CDH13: variants seen among roughly 807,000 people sequenced by gnomAD.
The protein encoded by CDH13 is cadherin-13.
Under a neutral mutation model 63.8 loss-of-function variants are expected in CDH13, and 24 were observed. That is an observed-to-expected ratio of 0.38 (90% confidence interval 0.27 to 0.53). The LOEUF is 0.53. Ranked by LOEUF, CDH13 falls within the 20% of genes least tolerant of loss-of-function variation. CDH13 has a pLI of 0.85. For synonymous variants in CDH13, 503 were observed against 355.3 expected, an observed-to-expected ratio of 1.42 and a Z score of -4.67; for missense variants, 1,049 against 903.1, an observed-to-expected ratio of 1.16 and a Z score of -2.07.
intron 1 of CDH13, among the ~76,000 whole-genome samples, chr16:82,662,712 A>G (rs78423956): frequency 0.045 from 6,872 of 152,322 alleles, 210 homozygotes; most frequent in Non-Finnish European, 0.067. Flanking sequence ...AGCTTCTGCT[A>G]TAGAAGGGGG....
intron 1 of CDH13, chr16:82,825,557 T>TC (rs1317011955): frequency 2.6e-3 from 377 of 146,612 alleles, no homozygotes; most frequent in African/African-American, 9.0e-3. Flanking sequence ...TTTTTTTTTT[T>TC]CCCAAACAGA....
In CDH13 at chr16:83,608,814, C is replaced by T. The variant is rs528697059; in HGVS notation, c.1101+6220C>T. 5.3e-5 allele frequency among the ~76,000 whole-genome samples: 8 copies of T among 152,078 alleles called. No homozygotes were observed. The East Asian group carries it at 1.2e-3, about 22-fold the overall frequency. Reference sequence around the variant, plus strand: ...TGAGCCACTGTGCCCAGCCAGTATTCGCATTTTTAATTAAAATATTGTGTT... The same window carrying T: ...TGAGCCACTGTGCCCAGCCAGTATTTGCATTTTTAATTAAAATATTGTGTT... On this transcript the variant is annotated intron_variant, in intron 8 of 13. Coordinates refer to ENST00000567109, the MANE Select transcript of CDH13 (RefSeq NM_001257.5).
At chr16:82,984,694 C>T (rs781301272) in intron 2 of CDH13, among the ~76,000 whole-genome samples, 4 of 152,156 alleles carry the variant, frequency 2.6e-5, no homozygotes, top group Non-Finnish European at 5.9e-5. Context: ...CAAGAGGTCA[C>T]ATAACTTGCT....
intron 5 of CDH13, among the ~76,000 whole-genome samples, chr16:83,225,241 C>T (rs956573786): frequency 6.6e-6 from 1 of 152,126 alleles, no homozygotes; most frequent in African/African-American, 2.4e-5. Context: ...ACTAATTGGC[C>T]TTGATGAAGA....
At chr16:83,410,856 C>T (rs963030492) in intron 6 of CDH13, among the ~76,000 whole-genome samples, 1 of 152,178 alleles carries the variant, frequency 6.6e-6, no homozygotes, top group African/African-American at 2.4e-5. Flanking sequence ...CAAATTTAGT[C>T]ATCCAAATCA....
intron 2 of CDH13, among the ~76,000 whole-genome samples, chr16:82,971,234 T>A (rs1254052946): frequency 1.3e-5 from 2 of 152,236 alleles, no homozygotes; most frequent in African/African-American, 4.8e-5. Context: ...GTTCTAGTTA[T>A]CCACATTGAC....
intron 10 of CDH13, among the ~76,000 whole-genome samples, chr16:83,681,514 TTCTC>T (rs1567511860): frequency 4.6e-5 from 7 of 152,212 alleles, no homozygotes; most frequent in Admixed American, 3.9e-4. Flanking sequence ...ACGTGACTCT[TTCTC>T]AGCCTGGCAC....
chr16:82,950,381 A>G (rs919199087), intron 2 of CDH13, among the ~76,000 whole-genome samples: 9 of 151,932 alleles, frequency 5.9e-5, no homozygotes, highest in Admixed American at 5.9e-4. Context: ...CCCAAATCTC[A>G]TCTTGAATTG....
intron 4 of CDH13, among the ~76,000 whole-genome samples, chr16:83,193,154 GA>G (rs75515253): frequency 0.063 from 8,986 of 142,042 alleles, 421 homozygotes; most frequent in African/African-American, 0.14. Context: ...TGCTATACTT[GA>G]AAAAAAAAAA....
chr16:82,717,852 G>C (rs918658204), intron 1 of CDH13, among the ~76,000 whole-genome samples: 1 of 130,622 alleles, frequency 7.7e-6, no homozygotes, highest in African/African-American at 2.9e-5. Context: ...CTGTAGTAGG[G>C]GTTCATCAGT....
intron 5 of CDH13, among the ~76,000 whole-genome samples, chr16:83,239,751 A>G (rs1904302537): frequency 6.6e-6 from 1 of 152,194 alleles, no homozygotes; most frequent in Non-Finnish European, 1.5e-5. Context: ...GGCACTCAGT[A>G]ACAGCAGTGA....
At position 83,703,597 on chromosome 16, in the gene CDH13, C is replaced by T. The variant is rs188568509; in HGVS notation, c.1538+25136C>T. Among the ~76,000 whole-genome samples the T allele has an allele frequency of 2.2e-4, 33 of 152,278 alleles. 1 individual carries two copies. In the East Asian group the frequency reaches 5.4e-3, roughly 25 times the overall value. Reference sequence around the variant, plus strand: ...TGAATAAAATGTCTAAGGATAGGAGCGGGCTTTCAGGCTCCTGGAATTATT... The same window carrying T: ...TGAATAAAATGTCTAAGGATAGGAGTGGGCTTTCAGGCTCCTGGAATTATT... On this transcript the variant is annotated intron_variant, in intron 10 of 13. Transcript: ENST00000567109.
At chr16:83,697,796 C>A (rs1035938353) in intron 10 of CDH13, among the ~76,000 whole-genome samples, 2 of 152,162 alleles carry the variant, frequency 1.3e-5, no homozygotes, top group South Asian at 2.1e-4. Context: ...TACAGGCATG[C>A]GCCACCATGC....
At chr16:83,325,587 A>C (rs1222182300) in intron 5 of CDH13, among the ~76,000 whole-genome samples, 2 of 152,156 alleles carry the variant, frequency 1.3e-5, no homozygotes, top group East Asian at 3.9e-4. Flanking sequence ...CTTTATTTTA[A>C]TACTTTATTC....
At chr16:83,628,537 G>A (rs1038365049) in intron 8 of CDH13, among the ~76,000 whole-genome samples, 5 of 152,080 alleles carry the variant, frequency 3.3e-5, no homozygotes, top group Admixed American at 2.0e-4. Flanking sequence ...AGGAAGTGTC[G>A]TACATCTTTG....
intron 6 of CDH13, among the ~76,000 whole-genome samples, chr16:83,421,410 T>G (rs2071709939): frequency 6.6e-6 from 1 of 152,224 alleles, no homozygotes; most frequent in Admixed American, 6.5e-5. Context: ...CATAATATTA[T>G]GAATCTTAGC....
chr16:82,677,739 A>G (rs1034077695), intron 1 of CDH13, among the ~76,000 whole-genome samples: 3 of 152,170 alleles, frequency 2.0e-5, no homozygotes, highest in Admixed American at 2.0e-4. Flanking sequence ...TCATCTCACT[A>G]TACTAACACA....
At chr16:83,294,759 A>G (rs1385602359) in intron 5 of CDH13, among the ~76,000 whole-genome samples, 2 of 152,110 alleles carry the variant, frequency 1.3e-5, no homozygotes, top group Non-Finnish European at 2.9e-5. Flanking sequence ...AAGACATCCC[A>G]TGTTCGTGGA....
chr16:82,874,192 A>C (rs1009279230), intron 2 of CDH13, among the ~76,000 whole-genome samples: 2 of 152,284 alleles, frequency 1.3e-5, no homozygotes, highest in East Asian at 1.9e-4. Context: ...ACATCATGTC[A>C]GTTCAGGTTG....
Sources: allele counts gnomAD v4.1 joint callset (sites outside exome capture counted in the v4.1 genomes callset), GRCh38; gene constraint gnomAD v4.1.1; transcripts MANE v1.5; gene names NCBI Gene and HGNC (gene_info 2026-07-23, HGNC 2026-07-21).